The following LOC122539214 variants were observed in gnomAD, a reference collection of about 807,000 sequenced individuals.
chr19:52,662,068 C>T, the LOC122539214 span, among the ~76,000 whole-genome samples: 2 of 152,130 alleles, frequency 1.3e-5, no homozygotes, highest in Non-Finnish European at 2.9e-5. Flanking sequence ...AGCACAGATC[C>T]ATAGGGATGA....
At chr19:52,684,722 T>C in the LOC122539214 span, among the ~76,000 whole-genome samples, 8 of 151,880 alleles carry the variant, frequency 5.3e-5, no homozygotes, top group Non-Finnish European at 8.8e-5. Flanking sequence ...AAAGGGACAA[T>C]GCAGTGATCA....
At chr19:52,672,650 G>C in the LOC122539214 span, among the ~76,000 whole-genome samples, 1 of 152,068 alleles carries the variant, frequency 6.6e-6, no homozygotes, top group Non-Finnish European at 1.5e-5. Flanking sequence ...CCTAGGCTGG[G>C]GTGCAATGGC....
the LOC122539214 span, among the ~76,000 whole-genome samples, chr19:52,662,486 T>G: frequency 6.6e-6 from 1 of 151,940 alleles, no homozygotes; most frequent in Non-Finnish European, 1.5e-5. Flanking sequence ...GGAAGGGCAG[T>G]GGGTGTGGAC....
chr19:52,664,034 A>G, the LOC122539214 span, among the ~76,000 whole-genome samples: 1 of 152,200 alleles, frequency 6.6e-6, no homozygotes, highest in Non-Finnish European at 1.5e-5. Context: ...ACAGGCAAGC[A>G]TCACCATGCT....
At chr19:52,676,837 G>A in the LOC122539214 span, among the ~76,000 whole-genome samples, 1 of 132,050 alleles carries the variant, frequency 7.6e-6, no homozygotes, top group Non-Finnish European at 1.6e-5. Context: ...CCCCAACCCG[G>A]TGCTCTCTGA....
At chr19:52,674,606 T>G in the LOC122539214 span, among the ~76,000 whole-genome samples, 1,149 of 152,320 alleles carry the variant, frequency 7.5e-3, 19 homozygotes, top group African/African-American at 0.026. Context: ...CCAAAATTAG[T>G]TGAATTTCCA....
the LOC122539214 span, among the ~76,000 whole-genome samples, chr19:52,668,514 G>A: frequency 6.6e-6 from 1 of 152,076 alleles, no homozygotes; most frequent in Non-Finnish European, 1.5e-5. Flanking sequence ...GGATCCTATA[G>A]GCTTCTTTAG....
the LOC122539214 span, among the ~76,000 whole-genome samples, chr19:52,657,757 G>A: frequency 1.3e-5 from 2 of 151,850 alleles, no homozygotes; most frequent in Admixed American, 1.3e-4. Context: ...TGAGGCAGGA[G>A]AATCGCTTGA....
At chr19:52,654,092 G>T in the LOC122539214 span, 4 of 1,602,538 alleles carry the variant, frequency 2.5e-6, no homozygotes, top group East Asian at 8.9e-5. Flanking sequence ...TGAAATTCGT[G>T]CAGTTCAGGC....
At chr19:52,682,128 G>A in the LOC122539214 span, among the ~76,000 whole-genome samples, 2 of 152,066 alleles carry the variant, frequency 1.3e-5, no homozygotes, top group Non-Finnish European at 2.9e-5. Context: ...TTACGGGCAT[G>A]AGCCACCGTG....
At chr19:52,688,506 ATT>A in the LOC122539214 span, among the ~76,000 whole-genome samples, 1 of 150,674 alleles carries the variant, frequency 6.6e-6, no homozygotes, top group African/African-American at 2.4e-5. Flanking sequence ...TCCTTCCCTG[ATT>A]CTGTACGTAT....
chr19:52,676,568 C>T, the LOC122539214 span, among the ~76,000 whole-genome samples: 68 of 151,914 alleles, frequency 4.5e-4, no homozygotes, highest in East Asian at 9.9e-3. Context: ...TCTGCCCGGC[C>T]GCCCCTACTG....
the LOC122539214 span, among the ~76,000 whole-genome samples, chr19:52,671,606 C>T: frequency 6.6e-6 from 1 of 152,086 alleles, no homozygotes; most frequent in African/African-American, 2.4e-5. Context: ...CCAAGCCTGG[C>T]TAATTTGTTA....
chr19:52,679,470 G>C, the LOC122539214 span, among the ~76,000 whole-genome samples: 8 of 152,164 alleles, frequency 5.3e-5, no homozygotes, highest in African/African-American at 1.7e-4. Context: ...AACTGGCCAG[G>C]TATGGTGGAG....
chr19:52,676,610 C>A, the LOC122539214 span, among the ~76,000 whole-genome samples: 1 of 150,502 alleles, frequency 6.6e-6, no homozygotes, highest in African/African-American at 2.4e-5. Flanking sequence ...CTGGCCACCA[C>A]CCCGTCTGGG....
At chr19:52,656,208 G>GTC in the LOC122539214 span, among the ~76,000 whole-genome samples, 16,409 of 144,170 alleles carry the variant, frequency 0.11, 1,004 homozygotes, top group African/African-American at 0.16. Flanking sequence ...GTGAGACTCC[G>GTC]TCTCTCTCTC....
chr19:52,678,973 C>CA, the LOC122539214 span, among the ~76,000 whole-genome samples: 1,890 of 138,386 alleles, frequency 0.014, 15 homozygotes, highest in Non-Finnish European at 0.019. Flanking sequence ...GACTCCATCT[C>CA]AAAAAAAAAA....
chr19:52,668,500 G>T, the LOC122539214 span, among the ~76,000 whole-genome samples: 1 of 152,100 alleles, frequency 6.6e-6, no homozygotes, highest in Non-Finnish European at 1.5e-5. Context: ...GAGGTCACTG[G>T]AAAGGATCCT....
chr19:52,683,071 A>G, the LOC122539214 span, among the ~76,000 whole-genome samples: 2 of 80,244 alleles, frequency 2.5e-5, no homozygotes, highest in African/African-American at 2.1e-4. Context: ...AGGTTTCACC[A>G]TGTTGGCCAG....
Sources: gnomAD v4.1 joint callset for allele counts (sites outside exome capture counted in the v4.1 genomes callset) on GRCh38, gnomAD v4.1.1 for gene constraint, MANE v1.5 for transcripts.